Variants in MTMR1 observed in about 807,000 individuals in gnomAD.
MTMR1 encodes myotubularin related protein 1.
In MTMR1, 17 loss-of-function variants were observed where a neutral mutation model predicts 51.6. That is an observed-to-expected ratio of 0.33 (90% CI 0.23 to 0.49). MTMR1 has a LOEUF of 0.49. Ranked by LOEUF, MTMR1 falls within the 20% of genes least tolerant of loss-of-function variation. The pLI, the probability that MTMR1 is intolerant of heterozygous loss-of-function variation, is 0.99. For synonymous variants in MTMR1, 201 were observed against 205.6 expected, an observed-to-expected ratio of 0.98 and a Z score of 0.19; for missense variants, 386 against 526.9, an observed-to-expected ratio of 0.73 and a Z score of 2.62.
In MTMR1 at chrX:150,755,736, G is replaced by A; in HGVS notation, c.1728G>A (p.Gln576=). The A allele has an allele frequency of 8.3e-7, 1 of 1,206,637 alleles. No homozygotes were observed. The highest frequency in any genetic ancestry group is 1.1e-6 in the Non-Finnish European group (1 of 892,985). The change falls in exon 15 of 16, where the codon CAG becomes CAA. Residue 576 remains glutamine, a synonymous_variant. Transcript: ENST00000445323. ...TISLWSYINS[Q]LDEFSNPFFV... The stretch of plus-strand genomic sequence containing the variant: ...CTTTATGGTCGTATATCAATAGCCA[G>A]CTAGACGAGTTTTCTAATCCCTTCT...
chrX:150,744,658 T>G (rs1332391149), intron 13 of MTMR1, among the ~76,000 whole-genome samples: 2 of 112,239 alleles, frequency 1.8e-5, no homozygotes, highest in African/African-American at 6.5e-5. Flanking sequence ...TCTTTGCAAA[T>G]GGTTTTTATC....
chrX:150,734,366 A>G (rs1227809571), intron 10 of MTMR1, among the ~76,000 whole-genome samples: 1 of 113,106 alleles, frequency 8.8e-6, no homozygotes, highest in Non-Finnish European at 1.9e-5. Context: ...AAATAAGGTC[A>G]CATTCACCAT....
intron 2 of MTMR1, 136 bp downstream of exon 2, chrX:150,699,436 T>A: frequency 2.6e-6 from 1 of 387,731 alleles, no homozygotes; most frequent in South Asian, 5.9e-5. Flanking sequence ...AAAGGTTCTC[T>A]GTTGTTAGAT....
At chrX:150,755,486 T>C (rs548384840) in intron 14 of MTMR1, among the ~76,000 whole-genome samples, 1 of 111,948 alleles carries the variant, frequency 8.9e-6, no homozygotes, top group South Asian at 3.8e-4. Context: ...AATATGTTTT[T>C]CCAGGACAGC....
Position 150,730,178 on chromosome X carries a change from A to G in MTMR1, c.625A>G (p.Asn209Asp). Residue 209 changes from asparagine to aspartate, a missense_variant, in exon 7 of 16, where the codon AAC becomes GAC. Transcript: ENST00000445323. ...QSKLGIFENLNKHAFPLSNGQ... is the reference protein window; with the variant it reads ...QSKLGIFENLDKHAFPLSNGQ... ...TAAACTAGGGATATTTGAAAACCTC[A>G]ACAAACATGCATTTCCTCTTTCTAA... is the stretch of plus-strand genomic sequence containing the variant. 8.3e-7 allele frequency: 1 copy of G among 1,204,509 alleles called. No individual in the cohort carries two copies. The highest frequency in any genetic ancestry group is 1.1e-6 in the Non-Finnish European group (1 of 891,795).
rs1557416247 is a variant in MTMR1, at chrX:150,712,345, T to C, written c.256T>C (p.Phe86Leu). Residue 86 changes from phenylalanine to leucine, a missense_variant, in exon 3 of 16, where the codon TTC becomes CTC. Transcript: ENST00000445323. Reference sequence around the variant, plus strand: ...TATTCTGTATTTTAACTAACAGGTTTTCAGGAGGCCTGATCTAAGGGTAAG... The same window carrying C: ...TATTCTGTATTTTAACTAACAGGTTCTCAGGAGGCCTGATCTAAGGGTAAG... ...SENVSRDYKV[F>L]RRPDLRALRD... The C allele has an allele frequency of 8.6e-7, 1 of 1,165,110 alleles. No homozygotes were observed.
chrX:150,702,606 A>G (rs2040956591), intron 2 of MTMR1, among the ~76,000 whole-genome samples: 1 of 112,267 alleles, frequency 8.9e-6, no homozygotes, highest in Non-Finnish European at 1.9e-5. Flanking sequence ...TTTAGATGGT[A>G]TGTCCATGGA....
intron 14 of MTMR1, among the ~76,000 whole-genome samples, chrX:150,752,030 C>T (rs2042755728): frequency 9.4e-6 from 1 of 106,523 alleles, no homozygotes; most frequent in African/African-American, 3.4e-5. Flanking sequence ...GATTCTCCTG[C>T]CGCAGCCTCC....
chrX:150,693,370 T>G, upstream of MTMR1: 25 of 613,491 alleles, frequency 4.1e-5, no homozygotes, highest in South Asian at 1.7e-4. Context: ...GCGCGCGGCC[T>G]TGTGGGTAAC....
chrX:150,698,680 G>GCGCACACACACACA (rs1491104991), intron 1 of MTMR1, among the ~76,000 whole-genome samples: 2 of 62,989 alleles, frequency 3.2e-5, no homozygotes, highest in African/African-American at 6.6e-5. Flanking sequence ...ACACGCGCGC[G>GCGCACACACACACA]CACACACACA....
At chrX:150,732,508 A>T (rs2042148170) in intron 9 of MTMR1, 34 bp from the exon 10 acceptor site, 2 of 1,139,654 alleles carry the variant, frequency 1.8e-6, no homozygotes, top group Admixed American at 4.9e-5. Flanking sequence ...ATTCTTTAGG[A>T]ACTGTACTAA....
chrX:150,737,090 A>G, intron 11 of MTMR1, 152 bp from the exon 12 acceptor site: 9 of 494,849 alleles, frequency 1.8e-5, no homozygotes. Flanking sequence ...TGTGATGCTA[A>G]TATTTCCTAG....
intron 14 of MTMR1, among the ~76,000 whole-genome samples, chrX:150,751,547 C>T (rs1215561197): frequency 2.7e-5 from 3 of 111,150 alleles, no homozygotes; most frequent in Non-Finnish European, 5.7e-5. Context: ...ATTCTGTGAC[C>T]CCACCTGGTC....
At position 150,764,046 on chromosome X, in the gene MTMR1, C is replaced by G. The variant is rs2043219294; in HGVS notation, c.*1317C>G. ...CCGTGCCTGTTGCTGCAGCTGCCCCCCCACCCCGCCACTGGCTGCAGGAAT... is the reference window on the plus strand; with the variant it reads ...CCGTGCCTGTTGCTGCAGCTGCCCCGCCACCCCGCCACTGGCTGCAGGAAT... On this transcript the variant is annotated 3_prime_UTR_variant, in exon 16 of 16. Transcript: ENST00000445323. 1 of 112,109 alleles carries G rather than the reference C, an allele frequency of 8.9e-6. No individual in the cohort carries two copies. Among genetic ancestry groups the G allele is most frequent in the South Asian group, 3.7e-4 (1 of 2,708 alleles). 9.2% of individuals were successfully genotyped at this position (112,109 alleles called of 1,213,427 possible). A position where few individuals can be genotyped will look rare whatever the true frequency, so the allele number is the denominator to read the frequency against.
At chrX:150,720,209 G>A (rs1270643485) in intron 4 of MTMR1, among the ~76,000 whole-genome samples, 2 of 111,655 alleles carry the variant, frequency 1.8e-5, no homozygotes, top group African/African-American at 6.5e-5. Context: ...AATGTGAAGA[G>A]TTTTGACACG....
chrX:150,759,947 T>A (rs2043042207), intron 15 of MTMR1, among the ~76,000 whole-genome samples: 1 of 109,235 alleles, frequency 9.2e-6, no homozygotes, highest in African/African-American at 3.3e-5. Flanking sequence ...CAGGGCCAGA[T>A]CCCGTCTCTG....
chrX:150,718,608 T>TCCAGGC lies in MTMR1; in HGVS notation c.277-17_277-16insCCAGGC. The TCCAGGC allele has an allele frequency of 5.1e-6, 4 of 777,080 alleles. No individual in the cohort carries two copies. Among genetic ancestry groups the TCCAGGC allele is most frequent in the Non-Finnish European group, 6.7e-6 (4 of 596,780 alleles). The allele number at this position is 777,080 out of a possible 1,213,427, so 64.0% of individuals were successfully genotyped here. ...CCTTTTTTTTTTTTTTTTTTTTTTT[T>TCCAGGC]TTTTTTTTTTTGCCAGGCTCTAAGG... On this transcript the variant is annotated splice_polypyrimidine_tract_variant and intron_variant, in intron 3 of 15. Coordinates refer to ENST00000445323, the MANE Select transcript of MTMR1 (RefSeq NM_001306144.3).
rs1372934202 is a variant in MTMR1 at position 150,763,550 on chromosome X, G to A, written c.*821G>A. On this transcript the variant is annotated 3_prime_UTR_variant, in exon 16 of 16. Transcript: ENST00000445323. The stretch of plus-strand genomic sequence containing the variant: ...GGTGCTGGCCTCTGGCTCCTTCAAG[G>A]AGCACTGCCTGTCACTCGCTCCTGG... The A allele has an allele frequency of 8.9e-6, 1 of 112,925 alleles. No homozygotes were observed. The highest frequency in any genetic ancestry group is 1.9e-5 in the Non-Finnish European group (1 of 53,354). The allele number at this position is 112,925 out of a possible 1,213,427, so 9.3% of individuals were successfully genotyped here. A position where few individuals can be genotyped will look rare whatever the true frequency, so the allele number is the denominator to read the frequency against.
Position 150,747,109 on chromosome X carries a change from C to T in MTMR1, c.1566+2656C>T, listed in dbSNP as rs187537960. Among the ~76,000 whole-genome samples, 4 of 111,102 alleles carry T rather than the reference C, an allele frequency of 3.6e-5. No individual in the cohort carries two copies. The East Asian group carries it at 1.1e-3, about 31-fold the overall frequency. On this transcript the variant is annotated intron_variant, in intron 13 of 15. Coordinates refer to ENST00000445323, the MANE Select transcript of MTMR1 (RefSeq NM_001306144.3). Reference sequence around the variant, plus strand: ...TCCATAGTTTAATACAATCCTTACTCCTCTGGGTAGGTTTAATAGTCATTG... The same window carrying T: ...TCCATAGTTTAATACAATCCTTACTTCTCTGGGTAGGTTTAATAGTCATTG...
Sources: gnomAD v4.1 joint callset for allele counts (sites outside exome capture counted in the v4.1 genomes callset) on GRCh38, gnomAD v4.1.1 for gene constraint, MANE v1.5 for transcripts, NCBI Gene and HGNC (gene_info 2026-07-23, HGNC 2026-07-21) for gene names.